The following XPNPEP3 variants were observed in gnomAD, a reference collection of about 807,000 sequenced individuals.
The protein encoded by XPNPEP3 is xaa-Pro aminopeptidase 3.
In XPNPEP3, 41 loss-of-function variants were observed where a neutral mutation model predicts 60.0. That is an observed-to-expected ratio of 0.68 (90% CI 0.53 to 0.89). XPNPEP3 has a LOEUF of 0.89. Among genes scored for constraint, XPNPEP3 ranks in the 40% least tolerant of loss-of-function variants. The pLI is 0.00. For synonymous variants in XPNPEP3, 212 were observed against 223.2 expected (o/e 0.95, Z 0.45); for missense variants, 598 against 638.9 (o/e 0.94, Z 0.69).
chr22:40,915,693 G>C (rs2058193784), intron 7 of XPNPEP3, among the ~76,000 whole-genome samples: 1 of 152,152 alleles, frequency 6.6e-6, no homozygotes. Context: ...AGATTTAGGT[G>C]CTGACAGAAT....
chr22:40,889,187 T>G (rs1434969568), intron 4 of XPNPEP3, among the ~76,000 whole-genome samples: 1 of 147,886 alleles, frequency 6.8e-6, no homozygotes, highest in Non-Finnish European at 1.5e-5. Context: ...CATACCACCA[T>G]GGCTGTTTTT....
rs1395545640 is a variant in XPNPEP3 at position 40,926,806 on chromosome 22, T to G, written c.*371T>G. The G allele has an allele frequency of 6.3e-6, 2 of 315,068 alleles. No homozygotes were observed. Among genetic ancestry groups the G allele is most frequent in the Admixed American group, 9.3e-5 (2 of 21,538 alleles). The allele number at this position is 315,068 out of a possible 1,614,324, so 19.5% of individuals were successfully genotyped here. ...CTTTCAAGTCCTTCCCTTTCTATAC[T>G]TTTGCTGAGATCAACCCAATATCAT... On this transcript the variant is annotated 3_prime_UTR_variant, in exon 10 of 10. Coordinates refer to ENST00000357137, the MANE Select transcript of XPNPEP3 (RefSeq NM_022098.4).
chr22:40,882,042 T>G lies in XPNPEP3; in HGVS notation c.454T>G (p.Phe152Val), dbSNP rs754476379. Residue 152 changes from phenylalanine to valine, a missense_variant, in exon 3 of 10, where the codon TTT becomes GTT. Phe to Val is a conservative substitution (Grantham distance 50, BLOSUM62 -1). Coordinates refer to ENST00000357137, the MANE Select transcript of XPNPEP3 (RefSeq NM_022098.4). ...ATTACCATCACACAAAGCCATACTTTTTGTGCCTCGGCGAGATCCCAGTCG... is the reference window on the plus strand; with the variant it reads ...ATTACCATCACACAAAGCCATACTTGTTGTGCCTCGGCGAGATCCCAGTCG... ...KQLPSHKAIL[F>V]VPRRDPSREL... is the part of the protein sequence containing the mutation. The G allele has an allele frequency of 6.2e-7, 1 of 1,614,142 alleles. No homozygotes were observed. The highest frequency in any genetic ancestry group is 1.1e-5 in the South Asian group (1 of 91,076).
chr22:40,904,504 T>C (rs1458996428), intron 4 of XPNPEP3, among the ~76,000 whole-genome samples: 1 of 152,054 alleles, frequency 6.6e-6, no homozygotes, highest in Non-Finnish European at 1.5e-5. Context: ...TGCCTGTGAA[T>C]AGCCACTGCC....
intron 4 of XPNPEP3, among the ~76,000 whole-genome samples, chr22:40,897,383 A>G (rs1355150010): frequency 2.0e-5 from 3 of 152,062 alleles, no homozygotes; most frequent in Non-Finnish European, 2.9e-5. Flanking sequence ...CTTTTGGGCT[A>G]TGGTGACTAA....
chr22:40,870,642 C>T (rs2058000479), intron 2 of XPNPEP3, among the ~76,000 whole-genome samples: 1 of 152,108 alleles, frequency 6.6e-6, no homozygotes, highest in African/African-American at 2.4e-5. Context: ...AAGAATTAAT[C>T]ATTTGTGTTT....
chr22:40,868,523 C>T (rs2057989987), intron 1 of XPNPEP3, among the ~76,000 whole-genome samples: 1 of 151,936 alleles, frequency 6.6e-6, no homozygotes, highest in African/African-American at 2.4e-5. Flanking sequence ...TTTCCTAAGG[C>T]CCAACACAGA....
chr22:40,873,958 G>A (rs2058018105), intron 2 of XPNPEP3, among the ~76,000 whole-genome samples: 1 of 152,064 alleles, frequency 6.6e-6, no homozygotes, highest in South Asian at 2.1e-4. Context: ...AAAATCAGCT[G>A]CCCATCTTTC....
chr22:40,886,724 G>A (rs1398923084), intron 4 of XPNPEP3, among the ~76,000 whole-genome samples: 1 of 151,504 alleles, frequency 6.6e-6, no homozygotes, highest in Non-Finnish European at 1.5e-5. Context: ...CTACTCGGTA[G>A]GCTGAGGCAG....
At chr22:40,881,627 A>G in intron 2 of XPNPEP3, 143 bp from the exon 3 acceptor site, 1 of 992,280 alleles carries the variant, frequency 1.0e-6, no homozygotes, top group Non-Finnish European at 1.5e-6. Flanking sequence ...AAACCTGGTT[A>G]TCTCCTTAAT....
intron 2 of XPNPEP3, among the ~76,000 whole-genome samples, chr22:40,877,796 T>C (rs747910709): frequency 2.0e-5 from 3 of 152,212 alleles, no homozygotes; most frequent in Non-Finnish European, 4.4e-5. Context: ...GACTATAAAG[T>C]TGAGTTCTGT....
At chr22:40,893,794 T>G (rs2058097552) in intron 4 of XPNPEP3, among the ~76,000 whole-genome samples, 1 of 152,064 alleles carries the variant, frequency 6.6e-6, no homozygotes, top group African/African-American at 2.4e-5. Context: ...TTTTGTATTT[T>G]TAGTAGAGAC....
intron 7 of XPNPEP3, among the ~76,000 whole-genome samples, chr22:40,920,904 T>A (rs148288999): frequency 0.045 from 6,870 of 152,268 alleles, 500 homozygotes; most frequent in African/African-American, 0.16. Context: ...GCGATTCTTC[T>A]GCCTCAGCCT....
At chr22:40,911,884 G>A (rs1912961820) in intron 6 of XPNPEP3, among the ~76,000 whole-genome samples, 1 of 152,068 alleles carries the variant, frequency 6.6e-6, no homozygotes, top group Admixed American at 6.6e-5. Context: ...TGTGGTTCAT[G>A]AAGTTAAATA....
intron 7 of XPNPEP3, 76 bp from the exon 8 acceptor site, chr22:40,922,257 C>G (rs2058219207): frequency 6.4e-7 from 1 of 1,574,644 alleles, no homozygotes; most frequent in Non-Finnish European, 8.7e-7. Context: ...TGGGGTTTTT[C>G]TAATCAAACT....
At chr22:40,861,184 A>G (rs1051633903) in intron 1 of XPNPEP3, 2 of 1,613,982 alleles carry the variant, frequency 1.2e-6, no homozygotes, top group African/African-American at 2.7e-5. Flanking sequence ...GTAACCCAAG[A>G]TATACCTCCC....
chr22:40,909,010 C>T, intron 5 of XPNPEP3, 112 bp from the exon 6 acceptor site: 2 of 820,376 alleles, frequency 2.4e-6, no homozygotes, highest in East Asian at 2.5e-5. Flanking sequence ...AATAGCTTCC[C>T]AGTAATGACT....
At chr22:40,899,801 G>C (rs1480126888) in intron 4 of XPNPEP3, among the ~76,000 whole-genome samples, 1 of 135,954 alleles carries the variant, frequency 7.4e-6, no homozygotes, top group Non-Finnish European at 1.5e-5. Flanking sequence ...CCTGGTGACA[G>C]AGCGAGACTC....
In XPNPEP3 at chr22:40,907,023, C is replaced by T. The variant is rs2058158308; in HGVS notation, c.793-564C>T. The T allele has an allele frequency of 1.3e-5, 6 of 456,010 alleles. 1 individual carries two copies. The highest frequency in any genetic ancestry group is 9.3e-5 in the South Asian group (6 of 64,530). The allele number at this position is 456,010 out of a possible 1,614,324, so 28.2% of individuals were successfully genotyped here. A position where few individuals can be genotyped will look rare whatever the true frequency, so the allele number is the denominator to read the frequency against. On this transcript the variant is annotated intron_variant, in intron 4 of 9. Transcript: ENST00000357137. Reference sequence around the variant, plus strand: ...CAGAGCCCTCGTGATTTAATCACTACCCAAAAGGCCTCACTTCTTACTGTC... The same window carrying T: ...CAGAGCCCTCGTGATTTAATCACTATCCAAAAGGCCTCACTTCTTACTGTC...
Sources: gnomAD v4.1 joint callset for allele counts (sites outside exome capture counted in the v4.1 genomes callset) on GRCh38, gnomAD v4.1.1 for gene constraint, MANE v1.5 for transcripts, NCBI Gene and HGNC (gene_info 2026-07-23, HGNC 2026-07-21) for gene names.